Variants in BICDL2 observed in about 807,000 individuals in gnomAD.
BICDL2 encodes the protein BICD family like cargo adaptor 2.
A neutral mutation model predicts 56.6 loss-of-function variants in BICDL2; 62 were observed. The ratio of observed to expected loss-of-function variants is 1.10; its 90% CI spans 0.89 to 1.35. The LOEUF (loss-of-function observed/expected upper bound fraction) is 1.35, where lower values mean the gene tolerates loss of function less well. Ranked by LOEUF, BICDL2 falls within the 40% of genes most tolerant of loss-of-function variation. BICDL2 has a pLI of 0.00. For synonymous variants in BICDL2, 358 were observed against 319.8 expected (o/e 1.12, Z -1.27); for missense variants, 808 against 684.5 (o/e 1.18, Z -2.01).
intron 2 of BICDL2, among the ~76,000 whole-genome samples, chr16:3,034,252 C>T (rs1268863560): frequency 6.6e-6 from 1 of 152,164 alleles, no homozygotes; most frequent in Non-Finnish European, 1.5e-5. Flanking sequence ...GACCCAGGGT[C>T]ACACAGCTGG....
rs764531674 is a variant in BICDL2, at chr16:3,029,280, C to T, written c.1107G>A (p.Glu369=). 1 of 1,610,656 alleles carries T rather than the reference C, an allele frequency of 6.2e-7. No individual in the cohort carries two copies. Among genetic ancestry groups the T allele is most frequent in the East Asian group, 2.2e-5 (1 of 44,794 alleles). The change falls in exon 7 of 10, where the codon GAG becomes GAA. Residue 369 remains glutamate, a splice_region_variant and synonymous_variant. Coordinates refer to ENST00000572449, the MANE Select transcript of BICDL2 (RefSeq NM_001369667.1). ...KEVEVAKLQD[E]ISLQQAELQS... The stretch of plus-strand genomic sequence containing the variant: ...TCCAGCACCGTGCCCTCTGCCCCAC[C>T]TCATCTTGCAGCTTGGCCACTTCCA...
In BICDL2 at chr16:3,030,506, C is replaced by G. The variant is rs770504503; in HGVS notation, c.705G>C (p.Gln235His). 8 of 1,603,776 alleles carry G rather than the reference C, an allele frequency of 5.0e-6. No individual in the cohort carries two copies. Among genetic ancestry groups the G allele is most frequent in the African/African-American group, 1.3e-5 (1 of 74,918 alleles). ...EEVEKGEGRL[Q>H]TTHEELLLLR... Reference sequence around the variant, plus strand: ...GCAGCAGCAACTCCTCGTGGGTGGTCTGCAGTCTGCCCTCACCCTTCTCCA... The same window carrying G: ...GCAGCAGCAACTCCTCGTGGGTGGTGTGCAGTCTGCCCTCACCCTTCTCCA... Residue 235 changes from glutamine to histidine, a missense_variant, in exon 5 of 10, where the codon CAG (glutamine) becomes CAC (histidine). Transcript: ENST00000572449.
chr16:3,029,864 C>G, intron 5 of BICDL2, 125 bp from the exon 6 acceptor site: 4 of 810,302 alleles, frequency 4.9e-6, no homozygotes, highest in Non-Finnish European at 7.3e-6. Context: ...CAGGCTGTTC[C>G]CGTTCCTGGA....
chr16:3,028,684 A>G lies in BICDL2; in HGVS notation c.1238+16T>C, dbSNP rs1955598283. 7.0e-6 allele frequency: 11 copies of G among 1,565,444 alleles called. No individual in the cohort carries two copies. Among genetic ancestry groups the G allele is most frequent in the Non-Finnish European group, 9.5e-6 (11 of 1,154,312 alleles). ...CCAGAGGGCGCTGGGGCGGTGGTCA[A>G]TGGCTTGAGGCTTACTTGTTCACGG... On this transcript the variant is annotated intron_variant, in intron 8 of 9. Transcript: ENST00000572449.
chr16:3,035,176 T>TTGGCCGGGGGGGGGGGG, intron 2 of BICDL2, 39 bp downstream of exon 2: 3 of 136,274 alleles, frequency 2.2e-5, no homozygotes, highest in Non-Finnish European at 4.1e-5. Context: ...CGTCCTCCCC[T>TTGGCCGGGGGGGGGGGG]GCCCACCCAC....
rs1434226483 is a variant in BICDL2 at position 3,028,182 on chromosome 16, G to A, written c.1451C>T (p.Ala484Val). The A allele has an allele frequency of 6.9e-7, 1 of 1,453,960 alleles. No homozygotes were observed. Among genetic ancestry groups the A allele is most frequent in the South Asian group, 1.5e-5 (1 of 67,646 alleles). 90.1% of individuals were successfully genotyped at this position (1,453,960 alleles called of 1,614,324 possible). ...CAGGCGCAGCGAGAAGCGGGGCGCG[G>A]CACGGCGCGGGGTCGACGACGACGC... ...ASASSSTPRR[A>V]APRFSLRLGP... Residue 484 changes from alanine to valine, a missense_variant, in exon 10 of 10, where the codon GCC becomes GTC. Ala to Val is a moderately conservative substitution (Grantham distance 64, BLOSUM62 0). Coordinates refer to ENST00000572449, the MANE Select transcript of BICDL2 (RefSeq NM_001369667.1).
At chr16:3,036,228 A>T (rs769727683) in intron 1 of BICDL2, 26 of 450,744 alleles carry the variant, frequency 5.8e-5, no homozygotes, top group Non-Finnish European at 1.0e-4. Context: ...TCAGCCCCCC[A>T]GTTTCCCAGG....
chr16:3,030,438 C>G lies in BICDL2; in HGVS notation c.762+11G>C. On this transcript the variant is annotated intron_variant, in intron 5 of 9. Transcript: ENST00000572449. ...TCCAGGCAGTTGTAGTCCCCCAGCC[C>G]TGCAGGTCACCTCCAGGCTGTGCTC... 6.3e-7 allele frequency: 1 copy of G among 1,597,558 alleles called. No individual in the cohort carries two copies. Among genetic ancestry groups the G allele is most frequent in the Non-Finnish European group, 8.5e-7 (1 of 1,177,902 alleles).
Position 3,030,985 on chromosome 16 carries a change from G to T in BICDL2, c.448C>A (p.Leu150Ile). Reference sequence around the variant, plus strand: ...AGGTTCTGCTCGCTGAGCTCGCTGAGGGCCCGTGCCCGTTCTCGCCCACTG... The same window carrying T: ...AGGTTCTGCTCGCTGAGCTCGCTGATGGCCCGTGCCCGTTCTCGCCCACTG... ...QDSGRERARA[L>I]SELSEQNLRL... The change falls in exon 3 of 10, where the codon CTC (leucine) becomes ATC (isoleucine). Residue 150 changes from leucine (L) to isoleucine (I), a missense_variant. Physicochemically the swap from Leu to Ile is conservative, Grantham distance 5. Coordinates refer to ENST00000572449, the MANE Select transcript of BICDL2 (RefSeq NM_001369667.1). 1 of 1,554,022 alleles carries T rather than the reference G, an allele frequency of 6.4e-7. No individual in the cohort carries two copies.
At chr16:3,036,533 G>A (rs1762030309) in intron 1 of BICDL2, 2 of 455,254 alleles carry the variant, frequency 4.4e-6, no homozygotes, top group African/African-American at 2.0e-5. Context: ...GGACGTGAGT[G>A]TCACGGTGGT....
chr16:3,036,209 C>T lies in BICDL2; in HGVS notation c.-30-683G>A, dbSNP rs1304839667. On this transcript the variant is annotated intron_variant, in intron 1 of 9. Coordinates refer to ENST00000572449, the MANE Select transcript of BICDL2 (RefSeq NM_001369667.1). ...GCCCCCACCCCTCCGGACTCAGGAG[C>T]CCTGACCCTCAGCCCCCCAGTTTCC... 3 of 451,926 alleles carry T rather than the reference C, an allele frequency of 6.6e-6. 1 individual carries two copies. The highest frequency in any genetic ancestry group is 1.3e-5 in the Non-Finnish European group (3 of 225,506). The allele number at this position is 451,926 out of a possible 1,614,324, so 28.0% of individuals were successfully genotyped here.
chr16:3,034,658 C>CCCCTTCCTTCCTTCCTTCCTTCCTTCCT (rs767242897), intron 2 of BICDL2, among the ~76,000 whole-genome samples: 1 of 128,842 alleles, frequency 7.8e-6, no homozygotes, highest in African/African-American at 3.1e-5. Context: ...TTCTTTCTCT[C>CCCCTTCCTTCCTTCCTTCCTTCCTTCCT]TCCTTCCTTC....
At chr16:3,035,176 T>TGGG in intron 2 of BICDL2, 39 bp downstream of exon 2, 7 of 136,270 alleles carry the variant, frequency 5.1e-5, no homozygotes, top group East Asian at 4.2e-4. Context: ...CGTCCTCCCC[T>TGGG]GCCCACCCAC....
In BICDL2 at chr16:3,028,266, A is replaced by G. The variant is rs777999657; in HGVS notation, c.1367T>C (p.Met456Thr). Residue 456 changes from methionine (M) to threonine (T), a missense_variant, in exon 10 of 10, where the codon ATG (methionine) becomes ACG (threonine). Coordinates refer to ENST00000572449, the MANE Select transcript of BICDL2 (RefSeq NM_001369667.1). ...TQELEAWQDD[M>T]QVVIGQQLRS... ...CAGCTGCTGCCCGATCACCACCTGC[A>G]TGTCGTCCTGCGGGAGGCCGTGGTC... The G allele has an allele frequency of 8.7e-6, 13 of 1,489,604 alleles. No homozygotes were observed. Among genetic ancestry groups the G allele is most frequent in the Middle Eastern group, 1.8e-4 (1 of 5,478 alleles). The allele number at this position is 1,489,604 out of a possible 1,614,324, so 92.3% of individuals were successfully genotyped here.
In BICDL2 at chr16:3,030,604, A is replaced by G; in HGVS notation, c.616-9T>C. ...CTCTGCAGCATCTGGTTCTGGGGAA[A>G]GGCCTGAGAGCTGGGGACAGGGGCA... On this transcript the variant is annotated splice_polypyrimidine_tract_variant and intron_variant, in intron 4 of 9. Coordinates refer to ENST00000572449, the MANE Select transcript of BICDL2 (RefSeq NM_001369667.1). The G allele has an allele frequency of 8.1e-6, 13 of 1,596,850 alleles. No individual in the cohort carries two copies. The highest frequency in any genetic ancestry group is 1.1e-5 in the Non-Finnish European group (13 of 1,175,184).
At position 3,028,232 on chromosome 16, in the gene BICDL2, C is replaced by T. The variant is rs754895789; in HGVS notation, c.1401G>A (p.Gln467=). 169 of 1,472,480 alleles carry T rather than the reference C, an allele frequency of 1.1e-4. No homozygotes were observed. Among genetic ancestry groups the T allele is most frequent in the Non-Finnish European group, 1.4e-4 (161 of 1,123,516 alleles). 91.2% of individuals were successfully genotyped at this position (1,472,480 alleles called of 1,614,324 possible). A position where few individuals can be genotyped will look rare whatever the true frequency, so the allele number is the denominator to read the frequency against. Residue 467 remains glutamine, a synonymous_variant, in exon 10 of 10, where the codon CAG becomes CAA. Transcript: ENST00000572449. ...CGGAGGCGCTCAGCTCCTTCTGGCG[C>T]TGTGAGCGCAGCTGCTGCCCGATCA... ...QVVIGQQLRS[Q]RQKELSASAS...
rs1398110897 is a variant in BICDL2, at chr16:3,028,952, C to A, written c.1108-122G>T. On this transcript the variant is annotated intron_variant, in intron 7 of 9. Transcript: ENST00000572449. ...GCCTGCGACAGACACCCCAGGCAGC[C>A]GTGGCCCTGTGCTGGAGACTCCGAT... 3.0e-6 allele frequency: 4 copies of A among 1,319,366 alleles called. No individual in the cohort carries two copies. In the African/African-American group the frequency reaches 4.4e-5, roughly 14 times the overall value. The allele number at this position is 1,319,366 out of a possible 1,614,324, so 81.7% of individuals were successfully genotyped here.
At chr16:3,035,175 C>CAGGGCCCGGGGGGGGGGGGGGGGGGGGG in intron 2 of BICDL2, 40 bp downstream of exon 2, 1 of 387,928 alleles carries the variant, frequency 2.6e-6, no homozygotes, top group East Asian at 4.5e-5. Context: ...CCGTCCTCCC[C>CAGGGCCCGGGGGGGGGGGGGGGGGGGGG]TGCCCACCCA....
chr16:3,035,639 C>G (rs1955724477), intron 1 of BICDL2, 113 bp from the exon 2 acceptor site: 1 of 930,424 alleles, frequency 1.1e-6, no homozygotes, highest in Admixed American at 2.9e-5. Flanking sequence ...GCCAGGGCTT[C>G]CTGGGCCACA....
Sources: gnomAD v4.1 joint callset for allele counts (sites outside exome capture counted in the v4.1 genomes callset) on GRCh38, gnomAD v4.1.1 for gene constraint, MANE v1.5 for transcripts, NCBI Gene and HGNC (gene_info 2026-07-23, HGNC 2026-07-21) for gene names.